The following ZNF462 variants were observed in gnomAD, a reference collection of about 807,000 sequenced individuals.
ZNF462 encodes zinc finger PBX1-interacting protein.
ZNF462 carries 10 observed loss-of-function variants against 201.9 expected under a neutral mutation model. The ratio of observed to expected loss-of-function variants is 0.05; its 90% CI spans 0.03 to 0.08. ZNF462 has a LOEUF of 0.08. Ranked by LOEUF, ZNF462 falls within the 10% of genes least tolerant of loss-of-function variation. The pLI, the probability that ZNF462 is intolerant of heterozygous loss-of-function variation, is 1.00. For synonymous variants in ZNF462, 1,227 were observed against 1,193.3 expected (o/e 1.03, Z -0.58); for missense variants, 2,523 against 3,168.3 (o/e 0.80, Z 4.89).
At chr9:106,887,684 C>T (rs565519404) in intron 1 of ZNF462, among the ~76,000 whole-genome samples, 2 of 152,298 alleles carry the variant, frequency 1.3e-5, no homozygotes, top group South Asian at 4.1e-4. Context: ...TCCTTTCTCT[C>T]CTTTACTTTA....
At position 106,930,898 on chromosome 9, in the gene ZNF462, T is replaced by C; in HGVS notation, c.6012+209T>C. 1 of 535,826 alleles carries C rather than the reference T, an allele frequency of 1.9e-6. No individual in the cohort carries two copies. Among genetic ancestry groups the C allele is most frequent in the Non-Finnish European group, 3.2e-6 (1 of 310,198 alleles). The allele number at this position is 535,826 out of a possible 1,614,324, so 33.2% of individuals were successfully genotyped here. The stretch of plus-strand genomic sequence containing the variant: ...GGAAAGGTCGAGTTTCGATCTGGTT[T>C]CCTTCCACGCGGATAGTTTGGTGGC... On this transcript the variant is annotated intron_variant, in intron 4 of 12. Coordinates refer to ENST00000277225, the MANE Select transcript of ZNF462 (RefSeq NM_021224.6). This position sits in a 1 kb window ranked among gnomAD's most constrained non-coding sequence, Gnocchi z 5.8.
At chr9:106,866,132 C>A (rs116771168) in intron 1 of ZNF462, among the ~76,000 whole-genome samples, 1 of 152,172 alleles carries the variant, frequency 6.6e-6, no homozygotes, top group African/African-American at 2.4e-5. Flanking sequence ...TTGGACCTTG[C>A]TTTCAACTAA....
Position 106,872,768 on chromosome 9 carries a change from T to C in ZNF462, c.-31+9413T>C, listed in dbSNP as rs1827649695. Among the ~76,000 whole-genome samples the C allele has an allele frequency of 2.0e-5, 3 of 152,308 alleles. No individual in the cohort carries two copies. Among genetic ancestry groups the C allele is most frequent in the Non-Finnish European group, 2.9e-5 (2 of 68,038 alleles). On this transcript the variant is annotated intron_variant, in intron 1 of 12. Coordinates refer to ENST00000277225, the MANE Select transcript of ZNF462 (RefSeq NM_021224.6). This position sits in a 1 kb window ranked among gnomAD's most constrained non-coding sequence, Gnocchi z 4.5. ...CTGTTCTAATACTGGGTAAGAACAA[T>C]AGAAAATAAATATGATTGCTTCATC...
intron 1 of ZNF462, among the ~76,000 whole-genome samples, chr9:106,922,231 A>T (rs542337747): frequency 6.6e-6 from 1 of 152,230 alleles, no homozygotes; most frequent in Non-Finnish European, 1.5e-5. Flanking sequence ...GTTTGTGATG[A>T]TCTTACTGAA....
At chr9:107,000,618 C>A (rs1043420140) in intron 10 of ZNF462, among the ~76,000 whole-genome samples, 2 of 152,068 alleles carry the variant, frequency 1.3e-5, no homozygotes, top group African/African-American at 4.8e-5. Context: ...ATTTTTAAAT[C>A]TTTTAATTGC....
intron 7 of ZNF462, among the ~76,000 whole-genome samples, chr9:106,945,319 C>T (rs1463492888): frequency 6.6e-6 from 1 of 152,180 alleles, no homozygotes; most frequent in African/African-American, 2.4e-5. Context: ...ACCTTGGCTG[C>T]AGCAATGCTT....
At chr9:106,915,823 T>G (rs936990964) in intron 1 of ZNF462, among the ~76,000 whole-genome samples, 2 of 152,202 alleles carry the variant, frequency 1.3e-5, no homozygotes, top group Non-Finnish European at 2.9e-5. Flanking sequence ...GTAGTTATAT[T>G]AGAAACCATG....
intron 10 of ZNF462, among the ~76,000 whole-genome samples, chr9:106,985,976 C>G (rs1827802498): frequency 6.6e-6 from 1 of 152,170 alleles, no homozygotes; most frequent in African/African-American, 2.4e-5. Flanking sequence ...GGCATTTCTT[C>G]CCCAAACTTA....
rs1829839209 is a variant in ZNF462, at chr9:107,010,100, C to T, written c.7313+432C>T. ...CCTCGGGGACAGAGCCAGCTTCTGC[C>T]TGCCTCCCAGGTAGGTGAGAGCATA... is the stretch of plus-strand genomic sequence containing the variant. On this transcript the variant is annotated intron_variant, in intron 12 of 12. Transcript: ENST00000277225. This position sits in a 1 kb window ranked among gnomAD's most constrained non-coding sequence, Gnocchi z 4.6. 6.6e-6 allele frequency among the ~76,000 whole-genome samples: 1 copy of T among 152,146 alleles called. No individual in the cohort carries two copies. The highest frequency in any genetic ancestry group is 2.4e-5 in the African/African-American group (1 of 41,446).
intron 7 of ZNF462, among the ~76,000 whole-genome samples, chr9:106,958,693 C>T (rs1482708868): frequency 1.3e-5 from 2 of 152,068 alleles, no homozygotes; most frequent in Non-Finnish European, 2.9e-5. Flanking sequence ...TCCAAACATC[C>T]ATGCACACTA....
At position 106,913,686 on chromosome 9, in the gene ZNF462, C is replaced by T. The variant is rs1233170866; in HGVS notation, c.-30-9668C>T. Among the ~76,000 whole-genome samples the T allele has an allele frequency of 2.9e-5, 4 of 139,198 alleles. No homozygotes were observed. The highest frequency in any genetic ancestry group is 6.6e-5 in the Non-Finnish European group (4 of 60,416). The allele number at this position is 139,198 out of a possible 152,430, so 91.3% of individuals were successfully genotyped here. ...GATCTCGACTCACTGCAACCTCTGT[C>T]TCCCAGGCTCAAACAGTTTTCCTGC... is the stretch of plus-strand genomic sequence containing the variant. On this transcript the variant is annotated intron_variant, in intron 1 of 12. Transcript: ENST00000277225. The surrounding 1 kb of genome is among the most constrained non-coding windows in gnomAD (Gnocchi z 4.1).
intron 1 of ZNF462, among the ~76,000 whole-genome samples, chr9:106,881,332 T>C (rs569735416): frequency 2.0e-5 from 3 of 152,142 alleles, no homozygotes; most frequent in Non-Finnish European, 2.9e-5. Flanking sequence ...TTGGTAGGCC[T>C]GTGAGGACCT....
At position 106,978,425 on chromosome 9, in the gene ZNF462, A is replaced by G. The variant is rs1255517522; in HGVS notation, c.6832+4152A>G. Among the ~76,000 whole-genome samples, 1 of 151,720 alleles carries G rather than the reference A, an allele frequency of 6.6e-6. No individual in the cohort carries two copies. The highest frequency in any genetic ancestry group is 1.5e-5 in the Non-Finnish European group (1 of 68,048). ...AGTTGGAACTTTAGTCAGTAGACAG[A>G]TGGGAAGCCAGGACAAATTCTGATC... On this transcript the variant is annotated intron_variant, in intron 9 of 12. Transcript: ENST00000277225. This position sits in a 1 kb window ranked among gnomAD's most constrained non-coding sequence, Gnocchi z 4.1.
Position 107,003,173 on chromosome 9 carries a change from GT to G in ZNF462, c.7057-118del. On this transcript the variant is annotated intron_variant, in intron 10 of 12. Transcript: ENST00000277225. The surrounding 1 kb of genome is among the most constrained non-coding windows in gnomAD (Gnocchi z 4.4). Reference sequence around the variant, plus strand: ...AAAAGACCTCTTAGGCCCCGGAGTTGTTTGGTCCTGGTTGCAAAACCACAGT... The same window carrying G: ...AAAAGACCTCTTAGGCCCCGGAGTTGTTGGTCCTGGTTGCAAAACCACAGT... The G allele has an allele frequency of 1.4e-6, 2 of 1,383,084 alleles. No individual in the cohort carries two copies. Among genetic ancestry groups the G allele is most frequent in the Non-Finnish European group, 9.8e-7 (1 of 1,017,888 alleles). The allele number at this position is 1,383,084 out of a possible 1,614,324, so 85.7% of individuals were successfully genotyped here.
rs1827185127 is a variant in ZNF462 at position 106,978,571 on chromosome 9, C to T, written c.6832+4298C>T. On this transcript the variant is annotated intron_variant, in intron 9 of 12. Coordinates refer to ENST00000277225, the MANE Select transcript of ZNF462 (RefSeq NM_021224.6). The surrounding 1 kb of genome is among the most constrained non-coding windows in gnomAD (Gnocchi z 4.1). ...CAGATCAACGTTTGGTGAGATTGAC[C>T]ATGATTTGATGAGTTTAACTAGGGA... 6.6e-6 allele frequency among the ~76,000 whole-genome samples: 1 copy of T among 151,454 alleles called. No individual in the cohort carries two copies. Among genetic ancestry groups the T allele is most frequent in the South Asian group, 2.1e-4 (1 of 4,822 alleles).
In ZNF462 at chr9:106,927,077, A is replaced by G. The variant is rs1830224090; in HGVS notation, c.3165A>G (p.Glu1055=). The change falls in exon 3 of 13, where the codon GAA becomes GAG. Residue 1055 remains glutamate (E), a synonymous_variant. Coordinates refer to ENST00000277225, the MANE Select transcript of ZNF462 (RefSeq NM_021224.6). ...VLVHYQKKHP[E]EKASYFRIQK... ...TTCATTATCAGAAGAAACACCCCGA[A>G]GAAAAGGCTTCCTACTTTAGGATCC... is the stretch of plus-strand genomic sequence containing the variant. The G allele has an allele frequency of 6.2e-7, 1 of 1,613,858 alleles. No individual in the cohort carries two copies. The highest frequency in any genetic ancestry group is 1.1e-5 in the South Asian group (1 of 91,052).
rs1828295642 is a variant in ZNF462, at chr9:106,885,879, C to CACATAAA, written c.-31+22525_-31+22531dup. Among the ~76,000 whole-genome samples, 1 of 152,144 alleles carries CACATAAA rather than the reference C, an allele frequency of 6.6e-6. No homozygotes were observed. On this transcript the variant is annotated intron_variant, in intron 1 of 12. Coordinates refer to ENST00000277225, the MANE Select transcript of ZNF462 (RefSeq NM_021224.6). This position sits in a 1 kb window ranked among gnomAD's most constrained non-coding sequence, Gnocchi z 4.1. ...TTCCTCTATCCCTATTCCCTGTCATCACATAAACCACTTGGAGAGAAGGGG... is the reference window on the plus strand; with the variant it reads ...TTCCTCTATCCCTATTCCCTGTCATCACATAAAACATAAACCACTTGGAGAGAAGGGG...
At chr9:106,879,343 C>CCG (rs1222373908) in intron 1 of ZNF462, among the ~76,000 whole-genome samples, 1 of 116,440 alleles carries the variant, frequency 8.6e-6, no homozygotes, top group African/African-American at 3.2e-5. Flanking sequence ...CCCCCCCCCC[C>CCG]ACCCCCCACC....
Position 106,865,769 on chromosome 9 carries a change from A to C in ZNF462, c.-31+2414A>C, listed in dbSNP as rs1474417170. On this transcript the variant is annotated intron_variant, in intron 1 of 12. Transcript: ENST00000277225. The surrounding 1 kb of genome is among the most constrained non-coding windows in gnomAD (Gnocchi z 4.1). ...TATGTCCAGGTATCTTCACCTTTTTAATTGGGAGGAATTTATTAATCATGT... is the reference window on the plus strand; with the variant it reads ...TATGTCCAGGTATCTTCACCTTTTTCATTGGGAGGAATTTATTAATCATGT... Among the ~76,000 whole-genome samples, 1 of 152,170 alleles carries C rather than the reference A, an allele frequency of 6.6e-6. No homozygotes were observed. Among genetic ancestry groups the C allele is most frequent in the Non-Finnish European group, 1.5e-5 (1 of 68,018 alleles).
Sources: allele counts gnomAD v4.1 joint callset (sites outside exome capture counted in the v4.1 genomes callset), GRCh38; gene constraint gnomAD v4.1.1; non-coding constraint Gnocchi (gnomAD v3.1); transcripts MANE v1.5; gene names NCBI Gene and HGNC (gene_info 2026-07-23, HGNC 2026-07-21).